Variants in SUPT3H observed in about 807,000 individuals in gnomAD.
SUPT3H encodes the protein SPT3 homolog, SAGA and STAGA complex component.
A neutral mutation model predicts 44.3 loss-of-function variants in SUPT3H; 44 were observed. The observed-to-expected ratio is 0.99, with a 90% confidence interval of 0.78 to 1.28. The LOEUF is 1.28. SUPT3H is among the 50% of genes most tolerant of loss of function. The probability of loss-of-function intolerance (pLI) is 0.00; values close to 1 mark genes in which losing one functional copy is unlikely to be tolerated. For synonymous variants in SUPT3H, 124 were observed against 125.6 expected (o/e 0.99, Z 0.09); for missense variants, 380 against 387.1 (o/e 0.98, Z 0.15).
intron 10 of SUPT3H, among the ~76,000 whole-genome samples, chr6:44,907,534 C>A (rs986682027): frequency 6.6e-6 from 1 of 152,030 alleles, no homozygotes; most frequent in Non-Finnish European, 1.5e-5. Flanking sequence ...AAAAGTTAAC[C>A]AGGCATGGTG....
At chr6:45,272,337 T>C (rs1184952379) in intron 2 of SUPT3H, among the ~76,000 whole-genome samples, 2 of 152,106 alleles carry the variant, frequency 1.3e-5, no homozygotes, top group African/African-American at 4.8e-5. Context: ...GACTGAATCA[T>C]GGGGGCAGGT....
chr6:44,855,988 A>G (rs778032942), intron 10 of SUPT3H, among the ~76,000 whole-genome samples: 7 of 152,316 alleles, frequency 4.6e-5, no homozygotes, highest in Non-Finnish European at 8.8e-5. Context: ...CTGCTACTTT[A>G]TGAGTAAAAC....
At chr6:45,263,850 C>T (rs1161066155) in intron 2 of SUPT3H, among the ~76,000 whole-genome samples, 1 of 152,122 alleles carries the variant, frequency 6.6e-6, no homozygotes, top group Non-Finnish European at 1.5e-5. Flanking sequence ...TTGGTGATTT[C>T]ATAACATTGT....
chr6:44,821,080 G>C (rs773932143), intron 11 of SUPT3H, among the ~76,000 whole-genome samples: 8 of 152,004 alleles, frequency 5.3e-5, no homozygotes, highest in Admixed American at 1.3e-4. Context: ...CCAATTCTTC[G>C]CCTCAAGCAA....
At chr6:45,224,176 A>G (rs1417904848) in intron 2 of SUPT3H, among the ~76,000 whole-genome samples, 1 of 151,798 alleles carries the variant, frequency 6.6e-6, no homozygotes, top group African/African-American at 2.4e-5. Flanking sequence ...CATTAAAACT[A>G]ATATCATTCT....
At chr6:45,140,874 T>C (rs534301447) in intron 2 of SUPT3H, among the ~76,000 whole-genome samples, 1 of 152,206 alleles carries the variant, frequency 6.6e-6, no homozygotes, top group East Asian at 1.9e-4. Context: ...CATCAAGGGG[T>C]CACCAAGTGG....
chr6:44,872,553 TG>T (rs1456795936), intron 10 of SUPT3H, among the ~76,000 whole-genome samples: 2 of 151,986 alleles, frequency 1.3e-5, no homozygotes, highest in Admixed American at 1.3e-4. Flanking sequence ...CATGACAAAA[TG>T]TAAAGACCAT....
intron 11 of SUPT3H, among the ~76,000 whole-genome samples, chr6:44,810,110 A>T (rs952246779): frequency 1.3e-5 from 2 of 152,176 alleles, no homozygotes; most frequent in Non-Finnish European, 2.9e-5. Flanking sequence ...GCTAAATACC[A>T]TCTAAATGCC....
rs551004845 is a variant in SUPT3H, at chr6:44,830,301, G to A, written c.913-444C>T. Among the ~76,000 whole-genome samples, 344 of 152,154 alleles carry A rather than the reference G, an allele frequency of 2.3e-3. 3 individuals are homozygous for A. The highest frequency in any genetic ancestry group is 7.6e-3 in the African/African-American group (316 of 41,516). ...TTTATAGTCTGAGTGAAAAGCTGTCGGAACAGACACTAATAGAGGCCTCTC... is the reference window on the plus strand; with the variant it reads ...TTTATAGTCTGAGTGAAAAGCTGTCAGAACAGACACTAATAGAGGCCTCTC... On this transcript the variant is annotated intron_variant, in intron 10 of 10. Coordinates refer to ENST00000371459, the MANE Select transcript of SUPT3H (RefSeq NM_003599.4).
chr6:44,965,333 T>C (rs1045907647), intron 6 of SUPT3H, among the ~76,000 whole-genome samples: 15 of 152,182 alleles, frequency 9.9e-5, no homozygotes, highest in African/African-American at 3.6e-4. Flanking sequence ...CCATTTACCT[T>C]GGTGGGTGAT....
intron 2 of SUPT3H, among the ~76,000 whole-genome samples, chr6:45,237,856 T>C (rs1769489849): frequency 6.6e-6 from 1 of 152,192 alleles, no homozygotes; most frequent in African/African-American, 2.4e-5. Flanking sequence ...TTAAGAGCCA[T>C]TAATTCAGTT....
At chr6:44,862,412 C>G (rs1774797907) in intron 10 of SUPT3H, among the ~76,000 whole-genome samples, 1 of 152,058 alleles carries the variant, frequency 6.6e-6, no homozygotes, top group Non-Finnish European at 1.5e-5. Flanking sequence ...CGCAGTGACA[C>G]ACACCTGTAA....
At chr6:45,155,481 C>T (rs1336276305) in intron 2 of SUPT3H, among the ~76,000 whole-genome samples, 2 of 152,150 alleles carry the variant, frequency 1.3e-5, no homozygotes, top group Non-Finnish European at 2.9e-5. Flanking sequence ...GGTCACAATG[C>T]TTCAACAAAT....
At chr6:45,006,141 C>T (rs1384524498) in intron 5 of SUPT3H, among the ~76,000 whole-genome samples, 1 of 151,752 alleles carries the variant, frequency 6.6e-6, no homozygotes, top group Non-Finnish European at 1.5e-5. Flanking sequence ...CTAATATTGC[C>T]ACTTCCGCTT....
intron 10 of SUPT3H, among the ~76,000 whole-genome samples, chr6:44,879,303 C>T (rs568462535): frequency 1.3e-5 from 2 of 152,314 alleles, no homozygotes; most frequent in East Asian, 1.9e-4. Flanking sequence ...GTAAGCAAAG[C>T]TGCCTGGAAC....
intron 2 of SUPT3H, among the ~76,000 whole-genome samples, chr6:45,177,287 G>C (rs1377121935): frequency 6.7e-6 from 1 of 149,872 alleles, no homozygotes; most frequent in Non-Finnish European, 1.5e-5. Flanking sequence ...AGCCTCAGGA[G>C]CCAATGCGAT....
At chr6:44,939,230 G>C (rs1458182691) in intron 9 of SUPT3H, among the ~76,000 whole-genome samples, 1 of 152,098 alleles carries the variant, frequency 6.6e-6, no homozygotes, top group African/African-American at 2.4e-5. Flanking sequence ...TTACTACTGT[G>C]AGGTATATTC....
chr6:45,094,215 G>A (rs75247054), intron 3 of SUPT3H, among the ~76,000 whole-genome samples: 2,666 of 152,136 alleles, frequency 0.018, 51 homozygotes, highest in South Asian at 0.085. Flanking sequence ...TCCAAGCATG[G>A]TACAGGATAC....
chr6:44,835,950 G>C (rs1465762170), intron 10 of SUPT3H, among the ~76,000 whole-genome samples: 1 of 152,128 alleles, frequency 6.6e-6, no homozygotes, highest in East Asian at 1.9e-4. Context: ...TGCCTAAGAA[G>C]ATGACCGTGC....
Sources: allele counts gnomAD v4.1 joint callset (sites outside exome capture counted in the v4.1 genomes callset), GRCh38; gene constraint gnomAD v4.1.1; transcripts MANE v1.5; gene names NCBI Gene and HGNC (gene_info 2026-07-23, HGNC 2026-07-21).